The following TFF3 variants were observed in gnomAD, a reference collection of about 807,000 sequenced individuals.
TFF3 encodes polypeptide P1.B.
A neutral mutation model predicts 9.7 loss-of-function variants in TFF3; 6 were observed. That is an observed-to-expected ratio of 0.62 (90% confidence interval 0.34 to 1.22). The LOEUF (loss-of-function observed/expected upper bound fraction) is 1.22, where lower values mean the gene tolerates loss of function less well. TFF3 is among the 50% of genes most tolerant of loss of function. The pLI, the probability that TFF3 is intolerant of heterozygous loss-of-function variation, is 0.04. For synonymous variants in TFF3, 48 were observed against 41.4 expected (o/e 1.16, Z -0.61); for missense variants, 93 against 98.6 (o/e 0.94, Z 0.24).
chr21:42,312,975 G>A (rs895994088), intron 2 of TFF3, among the ~76,000 whole-genome samples: 7 of 152,134 alleles, frequency 4.6e-5, no homozygotes, highest in Admixed American at 2.0e-4. Flanking sequence ...CAGGGTGGTT[G>A]CCCTGCACCT....
Position 42,313,494 on chromosome 21 carries a change from G to T in TFF3, c.220C>A (p.Gln74Lys), listed in dbSNP as rs1188195757. 2 of 1,608,814 alleles carry T rather than the reference G, an allele frequency of 1.2e-6. No individual in the cohort carries two copies. Among genetic ancestry groups the T allele is most frequent in the Non-Finnish European group, 8.5e-7 (1 of 1,178,418 alleles). The change falls in exon 2 of 3, where the codon CAG becomes AAG. Residue 74 changes from glutamine (Q) to lysine (K), a missense_variant. Gln to Lys is a moderately conservative substitution (Grantham distance 53, BLOSUM62 1). Transcript: ENST00000518498. This position sits in a 1 kb window ranked among gnomAD's most constrained non-coding sequence, Gnocchi z 4.0. ...GCCACTGGGGCCTTACCTGCTTCCT[G>T]CAGGGGCTTGAAACACCAAGGCACT... ...PGVPWCFKPL[Q>K]EAECTF
rs370223274 is a variant in TFF3, at chr21:42,312,223, C to T, written c.*33G>A. 481 of 1,613,872 alleles carry T rather than the reference C, an allele frequency of 3.0e-4. 4 individuals carry two copies. In the East Asian group the frequency reaches 6.7e-3, roughly 22 times the overall value. ...AGCCGGGCAAGGGTGCTCCGAGCCTCGCATCCCCCGGCCGGGGGCAGCTGG... is the reference window on the plus strand; with the variant it reads ...AGCCGGGCAAGGGTGCTCCGAGCCTTGCATCCCCCGGCCGGGGGCAGCTGG... On this transcript the variant is annotated 3_prime_UTR_variant, in exon 3 of 3. Transcript: ENST00000518498.
Position 42,315,404 on chromosome 21 carries a change from G to T in TFF3, c.-30C>A, listed in dbSNP as rs1485354625. The T allele has an allele frequency of 1.2e-6, 2 of 1,614,186 alleles. No individual in the cohort carries two copies. The highest frequency in any genetic ancestry group is 1.3e-5 in the African/African-American group (1 of 75,062). Reference sequence around the variant, plus strand: ...ACCGTGGGCTCCGGGACGCAGCTCAGGACTCGCTTCATGGTCCAGGAGGCC... The same window carrying T: ...ACCGTGGGCTCCGGGACGCAGCTCATGACTCGCTTCATGGTCCAGGAGGCC... On this transcript the variant is annotated 5_prime_UTR_variant, in exon 1 of 3. It adds an upstream start codon to the 5' untranslated region. Coordinates refer to ENST00000518498, the MANE Select transcript of TFF3 (RefSeq NM_003226.4).
chr21:42,311,692 G>A lies in TFF3; in HGVS notation c.*564C>T, dbSNP rs935206161. On this transcript the variant is annotated 3_prime_UTR_variant, in exon 3 of 3. Coordinates refer to ENST00000518498, the MANE Select transcript of TFF3 (RefSeq NM_003226.4). The stretch of plus-strand genomic sequence containing the variant: ...TGCCTGTTTGTTCATAATGTTTACT[G>A]TACAAAGAAACAAAACCCAGGAATA... 5.8e-6 allele frequency: 1 copy of A among 171,438 alleles called. No individual in the cohort carries two copies. The highest frequency in any genetic ancestry group is 1.3e-4 in the South Asian group (1 of 7,764). 10.6% of individuals were successfully genotyped at this position (171,438 alleles called of 1,614,324 possible).
At chr21:42,312,998 G>A (rs4920083) in intron 2 of TFF3, among the ~76,000 whole-genome samples, 7 of 152,128 alleles carry the variant, frequency 4.6e-5, no homozygotes, top group Admixed American at 2.6e-4. Context: ...CCTCCACCAC[G>A]GCAGAGAGAG....
chr21:42,311,778 T>G lies in TFF3; in HGVS notation c.*478A>C. On this transcript the variant is annotated 3_prime_UTR_variant, in exon 3 of 3. Coordinates refer to ENST00000518498, the MANE Select transcript of TFF3 (RefSeq NM_003226.4). ...AATAAAGGACCACTTTGGAAGACAG[T>G]TTTATTGGCTTGCTGTCTTCACCAA... 3.6e-6 allele frequency: 1 copy of G among 274,828 alleles called. No individual in the cohort carries two copies. Among genetic ancestry groups the G allele is most frequent in the Non-Finnish European group, 7.1e-6 (1 of 141,836 alleles). The allele number at this position is 274,828 out of a possible 1,614,324, so 17.0% of individuals were successfully genotyped here.
intron 1 of TFF3, among the ~76,000 whole-genome samples, chr21:42,314,252 A>G (rs1431351229): frequency 6.6e-6 from 1 of 152,236 alleles, no homozygotes; most frequent in Non-Finnish European, 1.5e-5. Context: ...GAAAATGGCA[A>G]TCACGTGCAG....
At chr21:42,312,995 C>T (rs2069339397) in intron 2 of TFF3, among the ~76,000 whole-genome samples, 1 of 152,080 alleles carries the variant, frequency 6.6e-6, no homozygotes, top group African/African-American at 2.4e-5. Context: ...TGCCCTCCAC[C>T]ACGGCAGAGA....
At position 42,315,363 on chromosome 21, in the gene TFF3, T is replaced by C. The variant is rs1002513746; in HGVS notation, c.12A>G (p.Arg4=). The change falls in exon 1 of 3, where the codon AGA becomes AGG. Residue 4 remains arginine, a synonymous_variant. Transcript: ENST00000518498. ...GGACCAGCCCCAGCATGCAGAGCGCTCTGGCAGCCATGACCACCGTGGGCT... is the reference window on the plus strand; with the variant it reads ...GGACCAGCCCCAGCATGCAGAGCGCCCTGGCAGCCATGACCACCGTGGGCT... MAA[R]ALCMLGLVLA... is the part of the protein sequence containing the mutation. 4.3e-6 allele frequency: 7 copies of C among 1,614,064 alleles called. No homozygotes were observed. The African/African-American group carries it at 9.3e-5, about 22-fold the overall frequency.
In TFF3 at chr21:42,311,755, T is replaced by A. The variant is rs1209799078; in HGVS notation, c.*501A>T. On this transcript the variant is annotated 3_prime_UTR_variant, in exon 3 of 3. Transcript: ENST00000518498. ...AACAGTAGCGAGAGTGGTTGTGAAA[T>A]AAAGGACCACTTTGGAAGACAGTTT... is the stretch of plus-strand genomic sequence containing the variant. 1 of 256,926 alleles carries A rather than the reference T, an allele frequency of 3.9e-6. No homozygotes were observed. The highest frequency in any genetic ancestry group is 7.6e-6 in the Non-Finnish European group (1 of 131,704). The allele number at this position is 256,926 out of a possible 1,614,324, so 15.9% of individuals were successfully genotyped here. A position where few individuals can be genotyped will look rare whatever the true frequency, so the allele number is the denominator to read the frequency against.
chr21:42,314,814 A>G (rs2069349597), intron 1 of TFF3, among the ~76,000 whole-genome samples: 1 of 152,212 alleles, frequency 6.6e-6, no homozygotes, highest in East Asian at 1.9e-4. Context: ...GATAAAAGCC[A>G]TGCCCTCATT....
chr21:42,312,485 A>G (rs919759663), intron 2 of TFF3, among the ~76,000 whole-genome samples: 2 of 152,202 alleles, frequency 1.3e-5, no homozygotes, highest in African/African-American at 4.8e-5. Context: ...GCAGATAACA[A>G]GCGAGATGGG....
chr21:42,313,177 A>C lies in TFF3; in HGVS notation c.229+308T>G, dbSNP rs1437651769. ...AGCCCAAAAGTCGGCCCGGCTTTCC[A>C]CACCTATGCGTTTCCACTTCTCTCA... On this transcript the variant is annotated intron_variant, in intron 2 of 2. Transcript: ENST00000518498. This position sits in a 1 kb window ranked among gnomAD's most constrained non-coding sequence, Gnocchi z 4.0. Among the ~76,000 whole-genome samples the C allele has an allele frequency of 6.6e-6, 1 of 152,188 alleles. No individual in the cohort carries two copies. Among genetic ancestry groups the C allele is most frequent in the Non-Finnish European group, 1.5e-5 (1 of 68,026 alleles).
At chr21:42,312,571 A>G (rs528754939) in intron 2 of TFF3, among the ~76,000 whole-genome samples, 1 of 152,242 alleles carries the variant, frequency 6.6e-6, no homozygotes, top group African/African-American at 2.4e-5. Flanking sequence ...CCGGCAGTGG[A>G]CAGTAGCCAG....
intron 2 of TFF3, among the ~76,000 whole-genome samples, chr21:42,312,481 A>G (rs2069336413): frequency 6.6e-6 from 1 of 152,206 alleles, no homozygotes; most frequent in Non-Finnish European, 1.5e-5. Context: ...TCAGGCAGAT[A>G]ACAAGCGAGA....
intron 1 of TFF3, among the ~76,000 whole-genome samples, chr21:42,314,375 TG>T (rs1349472199): frequency 2.0e-5 from 3 of 152,216 alleles, no homozygotes. Context: ...TGACGTTGGC[TG>T]GGCATGGTGG....
chr21:42,312,194 T>C lies in TFF3; in HGVS notation c.*62A>G, dbSNP rs1221984850. On this transcript the variant is annotated 3_prime_UTR_variant, in exon 3 of 3. Coordinates refer to ENST00000518498, the MANE Select transcript of TFF3 (RefSeq NM_003226.4). ...TGAGATGAACAGTGCCTGGCAGCAA[T>C]CACAGCCGGGCAAGGGTGCTCCGAG... is the stretch of plus-strand genomic sequence containing the variant. 1.9e-6 allele frequency: 3 copies of C among 1,612,524 alleles called. No individual in the cohort carries two copies. Among genetic ancestry groups the C allele is most frequent in the East Asian group, 4.5e-5 (2 of 44,840 alleles).
rs577670109 is a variant in TFF3, at chr21:42,313,296, G to A, written c.229+189C>T. Reference sequence around the variant, plus strand: ...TTTTATGTTTTACATAAAGGGGACAGAAGAGGACAGCCCCTGGCCATGGCT... The same window carrying A: ...TTTTATGTTTTACATAAAGGGGACAAAAGAGGACAGCCCCTGGCCATGGCT... On this transcript the variant is annotated intron_variant, in intron 2 of 2. Coordinates refer to ENST00000518498, the MANE Select transcript of TFF3 (RefSeq NM_003226.4). This position sits in a 1 kb window ranked among gnomAD's most constrained non-coding sequence, Gnocchi z 4.0. Among the ~76,000 whole-genome samples, 17 of 152,288 alleles carry A rather than the reference G, an allele frequency of 1.1e-4. No homozygotes were observed. The highest frequency in any genetic ancestry group is 2.1e-4 in the Non-Finnish European group (14 of 67,998).
In TFF3 at chr21:42,312,026, A is replaced by C; in HGVS notation, c.*230T>G. On this transcript the variant is annotated 3_prime_UTR_variant, in exon 3 of 3. Transcript: ENST00000518498. ...CTCCCGCCCTCTCCCACGACGCAGC[A>C]GAAATAAAGCACAACCTCAGAAAGT... The C allele has an allele frequency of 1.4e-6, 1 of 704,836 alleles. No individual in the cohort carries two copies. The highest frequency in any genetic ancestry group is 2.6e-6 in the Non-Finnish European group (1 of 382,922). 43.7% of individuals were successfully genotyped at this position (704,836 alleles called of 1,614,324 possible).
Sources: allele counts gnomAD v4.1 joint callset (sites outside exome capture counted in the v4.1 genomes callset), GRCh38; gene constraint gnomAD v4.1.1; non-coding constraint Gnocchi (gnomAD v3.1); transcripts MANE v1.5; gene names NCBI Gene and HGNC (gene_info 2026-07-23, HGNC 2026-07-21).